SAMD5: variants seen among roughly 807,000 people sequenced by gnomAD.
The protein encoded by SAMD5 is sterile alpha motif domain containing 5.
In SAMD5, 13 loss-of-function variants were observed where a neutral mutation model predicts 11.3. The observed-to-expected ratio is 1.15, with a 90% CI of 0.75 to 1.83. The LOEUF is 1.83. Ranked by LOEUF, SAMD5 falls within the 40% of genes most tolerant of loss-of-function variation. The pLI is 0.00. For synonymous variants in SAMD5, 129 were observed against 111.3 expected, an observed-to-expected ratio of 1.16 and a Z score of -1.00; for missense variants, 255 against 239.1, an observed-to-expected ratio of 1.07 and a Z score of -0.44.
At position 147,690,192 on chromosome 6, in the gene SAMD5, T is replaced by C. The variant is rs1791080576; in HGVS notation, c.163-47125T>C. Among the ~76,000 whole-genome samples the C allele has an allele frequency of 3.3e-5, 5 of 152,324 alleles. 1 individual carries two copies. The highest frequency in any genetic ancestry group is 1.2e-4 in the African/African-American group (5 of 41,564). ...TAGGATATCTATTTTTAAATCTAAA[T>C]TATAATTCTTCAACCATACAAACCA... On this transcript the variant is annotated intron_variant, in intron 1 of 1. Transcript: ENST00000566741.
intron 1 of SAMD5, among the ~76,000 whole-genome samples, chr6:147,544,676 T>G (rs559070358): frequency 6.6e-6 from 1 of 152,312 alleles, no homozygotes; most frequent in African/African-American, 2.4e-5. Flanking sequence ...GGATGGGAAG[T>G]GATGTACTGC....
At chr6:147,716,856 A>G (rs1378635134) in intron 1 of SAMD5, among the ~76,000 whole-genome samples, 2 of 152,254 alleles carry the variant, frequency 1.3e-5, no homozygotes, top group Non-Finnish European at 2.9e-5. Context: ...AGGGGAAATT[A>G]TCTCTTCCCA....
In SAMD5 at chr6:147,679,300, A is replaced by G. The variant is rs560390879; in HGVS notation, c.163-58017A>G. On this transcript the variant is annotated intron_variant, in intron 1 of 1. Coordinates refer to the SAMD5 transcript ENST00000566741. Reference sequence around the variant, plus strand: ...GAGTATGAGAGTTCAGTAGCTTTACATTATAGTCAATGCTTGGGATGGCCA... The same window carrying G: ...GAGTATGAGAGTTCAGTAGCTTTACGTTATAGTCAATGCTTGGGATGGCCA... 2.8e-4 allele frequency among the ~76,000 whole-genome samples: 42 copies of G among 152,282 alleles called. 1 individual carries two copies. The highest frequency in any genetic ancestry group is 8.9e-4 in the African/African-American group (37 of 41,574).
chr6:147,902,871 TA>T, the SAMD5 span, among the ~76,000 whole-genome samples: 1 of 152,234 alleles, frequency 6.6e-6, no homozygotes, highest in Non-Finnish European at 1.5e-5. Flanking sequence ...CACACCTGTA[TA>T]TTCTGAAGTC....
intron 1 of SAMD5, among the ~76,000 whole-genome samples, chr6:147,735,791 G>C (rs1253852791): frequency 4.6e-5 from 7 of 152,048 alleles, no homozygotes; most frequent in African/African-American, 1.4e-4. Context: ...CCAGATAGTT[G>C]ACGTGTTTTT....
At chr6:147,789,285 A>C in the SAMD5 span, among the ~76,000 whole-genome samples, 1 of 86,026 alleles carries the variant, frequency 1.2e-5, no homozygotes, top group Non-Finnish European at 2.3e-5. Flanking sequence ...AAAAACACAC[A>C]CACACACACA....
chr6:147,795,575 A>G, the SAMD5 span, among the ~76,000 whole-genome samples: 1 of 151,042 alleles, frequency 6.6e-6, no homozygotes, highest in Admixed American at 6.6e-5. Flanking sequence ...CTTTGGGTAT[A>G]TACCCAGTAA....
chr6:147,644,630 C>T (rs1790370054), intron 1 of SAMD5, among the ~76,000 whole-genome samples: 1 of 152,102 alleles, frequency 6.6e-6, no homozygotes. Context: ...AAAAAAGTTT[C>T]TTAATTTTTT....
the SAMD5 span, among the ~76,000 whole-genome samples, chr6:147,902,268 A>C: frequency 6.6e-6 from 1 of 152,162 alleles, no homozygotes; most frequent in African/African-American, 2.4e-5. Context: ...CTATGTATCA[A>C]AGCCGCATTA....
the SAMD5 span, among the ~76,000 whole-genome samples, chr6:147,888,186 T>C: frequency 1.3e-5 from 2 of 152,170 alleles, no homozygotes; most frequent in African/African-American, 4.8e-5. Flanking sequence ...CTTTTATAGA[T>C]CATGCTTTTG....
the SAMD5 span, among the ~76,000 whole-genome samples, chr6:147,847,265 C>CT: frequency 6.6e-6 from 1 of 152,176 alleles, no homozygotes; most frequent in Admixed American, 6.5e-5. Flanking sequence ...CCAGAGCAGT[C>CT]TAATTCAAGT....
At chr6:147,621,048 T>C (rs1457322974) in intron 1 of SAMD5, among the ~76,000 whole-genome samples, 1 of 151,712 alleles carries the variant, frequency 6.6e-6, no homozygotes, top group Non-Finnish European at 1.5e-5. Context: ...AAATTGCAAA[T>C]AGGCAATCAT....
the SAMD5 span, among the ~76,000 whole-genome samples, chr6:147,766,175 G>T: frequency 1.3e-5 from 2 of 150,312 alleles, no homozygotes. Context: ...TAGGAAAAAA[G>T]AGAACATAAA....
chr6:147,757,888 C>T, the SAMD5 span, among the ~76,000 whole-genome samples: 3 of 152,074 alleles, frequency 2.0e-5, no homozygotes, highest in African/African-American at 4.8e-5. Flanking sequence ...ACTTGTTTAA[C>T]ACTAACCTTT....
chr6:147,872,531 A>G, the SAMD5 span, among the ~76,000 whole-genome samples: 1 of 152,192 alleles, frequency 6.6e-6, no homozygotes, highest in African/African-American at 2.4e-5. Flanking sequence ...ATGAGGAAAC[A>G]CATCAGTGGG....
chr6:147,673,217 ATT>A (rs34581819), intron 1 of SAMD5, among the ~76,000 whole-genome samples: 9 of 144,584 alleles, frequency 6.2e-5, no homozygotes, highest in Admixed American at 2.8e-4. Flanking sequence ...AGCAAAAACC[ATT>A]TTTTTTTTTT....
chr6:147,879,572 A>G, the SAMD5 span, among the ~76,000 whole-genome samples: 1 of 152,218 alleles, frequency 6.6e-6, no homozygotes, highest in African/African-American at 2.4e-5. Context: ...CAAAGATAAT[A>G]TCATGGATTG....
At chr6:147,922,903 C>G in the SAMD5 span, among the ~76,000 whole-genome samples, 1 of 152,130 alleles carries the variant, frequency 6.6e-6, no homozygotes, top group Non-Finnish European at 1.5e-5. Context: ...GCTCAGGACT[C>G]CAGCTGTTTC....
At chr6:147,557,680 A>G (rs1788879217) in intron 1 of SAMD5, among the ~76,000 whole-genome samples, 1 of 152,246 alleles carries the variant, frequency 6.6e-6, no homozygotes, top group African/African-American at 2.4e-5. Flanking sequence ...GAACATCTGC[A>G]GAGACTCTAT....
Sources: allele counts gnomAD v4.1 joint callset (sites outside exome capture counted in the v4.1 genomes callset), GRCh38; gene constraint gnomAD v4.1.1; transcripts MANE v1.5; gene names NCBI Gene and HGNC (gene_info 2026-07-23, HGNC 2026-07-21).